Variants in PTCHD4 observed in about 807,000 individuals in gnomAD.
PTCHD4 encodes the protein patched domain containing 4, also known as patched domain-containing protein 4.
Under a neutral mutation model 58.1 loss-of-function variants are expected in PTCHD4, and 33 were observed. That is an observed-to-expected ratio of 0.57 (90% CI 0.43 to 0.76). PTCHD4 has a LOEUF of 0.76. Ranked by LOEUF, PTCHD4 falls within the 30% of genes least tolerant of loss-of-function variation. The pLI is 0.00. For synonymous variants in PTCHD4, 478 were observed against 409.6 expected, an observed-to-expected ratio of 1.17 and a Z score of -2.02; for missense variants, 1,058 against 1,027.1, an observed-to-expected ratio of 1.03 and a Z score of -0.41.
At chr6:47,965,897 A>G (rs1415015057) in intron 4 of PTCHD4, among the ~76,000 whole-genome samples, 1 of 152,180 alleles carries the variant, frequency 6.6e-6, no homozygotes, top group African/African-American at 2.4e-5. Flanking sequence ...CCTGGGTGAC[A>G]CAGCGAGACT....
intron 4 of PTCHD4, among the ~76,000 whole-genome samples, chr6:47,924,282 G>C (rs765030684): frequency 2.6e-5 from 4 of 152,038 alleles, no homozygotes; most frequent in African/African-American, 4.8e-5. Context: ...GAAAAGCCCA[G>C]AGTCGAGATT....
Position 47,879,153 on chromosome 6 carries a change from C to T in PTCHD4, c.1682G>A (p.Ser561Asn), listed in dbSNP as rs146939956. The change falls in exon 5 of 5, where the codon AGT becomes AAT. Residue 561 changes from serine (S) to asparagine (N), a missense_variant. Ser to Asn is a conservative substitution (Grantham distance 46). Transcript: ENST00000339488. ...GATGAAGTCACTTTTGTTATTGGCA[C>T]TGACGTTGCTGACTTTCAGGAACTG... ...YYQFLKVSNV[S>N]ANNKSDFISV... 3.7e-6 allele frequency: 6 copies of T among 1,611,762 alleles called. No homozygotes were observed. Among genetic ancestry groups the T allele is most frequent in the Non-Finnish European group, 5.1e-6 (6 of 1,179,688 alleles).
intron 3 of PTCHD4, among the ~76,000 whole-genome samples, chr6:48,021,329 C>T (rs1763063434): frequency 6.6e-6 from 1 of 152,008 alleles, no homozygotes; most frequent in Non-Finnish European, 1.5e-5. Context: ...ACACACTTAA[C>T]TCCTGAGCTG....
chr6:48,059,361 C>A (rs557638012), intron 3 of PTCHD4, among the ~76,000 whole-genome samples: 3 of 152,094 alleles, frequency 2.0e-5, no homozygotes, highest in Non-Finnish European at 2.9e-5. Context: ...AAAAAATGGG[C>A]AGGGCGGGGT....
rs577833490 is a variant in PTCHD4 at position 48,090,532 on chromosome 6, A to G, written c.-970+20517T>C. Among the ~76,000 whole-genome samples the G allele has an allele frequency of 1.9e-3, 284 of 152,302 alleles. 1 individual carries two copies. The highest frequency in any genetic ancestry group is 3.0e-3 in the Non-Finnish European group (202 of 68,018). ...TGTCAATATCTGTGCCAGGATTTTA[A>G]CTGAGACCTGCCTAATTCCAAAGCC... On this transcript the variant is annotated intron_variant, in intron 1 of 4. Transcript: ENST00000339488.
chr6:48,096,516 G>T (rs975713270), intron 1 of PTCHD4, among the ~76,000 whole-genome samples: 1 of 151,788 alleles, frequency 6.6e-6, no homozygotes, highest in Non-Finnish European at 1.5e-5. Flanking sequence ...GGAGGCTGAG[G>T]CAGGAGAATC....
intron 3 of PTCHD4, among the ~76,000 whole-genome samples, chr6:48,040,117 C>T (rs528154051): frequency 9.2e-5 from 14 of 152,112 alleles, no homozygotes; most frequent in South Asian, 4.1e-4. Flanking sequence ...AACTTTATGA[C>T]GCTATGATTC....
intron 4 of PTCHD4, among the ~76,000 whole-genome samples, chr6:47,954,221 G>C (rs574236203): frequency 6.6e-6 from 1 of 152,226 alleles, no homozygotes; most frequent in South Asian, 2.1e-4. Flanking sequence ...GCTGGGCGTG[G>C]TAGCACACAT....
intron 4 of PTCHD4, among the ~76,000 whole-genome samples, chr6:47,983,333 A>G (rs918305721): frequency 2.0e-5 from 3 of 152,170 alleles, no homozygotes; most frequent in Non-Finnish European, 2.9e-5. Flanking sequence ...TGTAATGCCA[A>G]TGTTGAATTT....
At chr6:48,081,897 G>A (rs1050881823) in intron 1 of PTCHD4, among the ~76,000 whole-genome samples, 6 of 152,140 alleles carry the variant, frequency 3.9e-5, no homozygotes, top group Admixed American at 6.6e-5. Context: ...CTGTGGCATA[G>A]AAATTGCTAT....
chr6:47,897,940 C>CTTTTTTTTTT (rs67063892), intron 4 of PTCHD4, among the ~76,000 whole-genome samples: 9 of 76,356 alleles, frequency 1.2e-4, no homozygotes, highest in South Asian at 5.9e-4. Context: ...TTCTTTCTTT[C>CTTTTTTTTTT]TTTTTTTTTT....
At chr6:48,078,736 T>C (rs1024068493) in intron 1 of PTCHD4, among the ~76,000 whole-genome samples, 1 of 152,210 alleles carries the variant, frequency 6.6e-6, no homozygotes, top group Admixed American at 6.5e-5. Flanking sequence ...GAAATGTTTT[T>C]AACAAGGCCT....
intron 4 of PTCHD4, among the ~76,000 whole-genome samples, chr6:47,919,137 A>G (rs1765351357): frequency 6.6e-6 from 1 of 152,152 alleles, no homozygotes; most frequent in South Asian, 2.1e-4. Flanking sequence ...TTTTGATTAT[A>G]AGTACCATTA....
chr6:48,068,667 A>T lies in PTCHD4; in HGVS notation c.6-26T>A. The T allele has an allele frequency of 6.6e-7, 1 of 1,523,744 alleles. No individual in the cohort carries two copies. Among genetic ancestry groups the T allele is most frequent in the Non-Finnish European group, 8.8e-7 (1 of 1,140,120 alleles). The allele number at this position is 1,523,744 out of a possible 1,614,324, so 94.4% of individuals were successfully genotyped here. A position where few individuals can be genotyped will look rare whatever the true frequency, so the allele number is the denominator to read the frequency against. On this transcript the variant is annotated intron_variant, in intron 2 of 4. Coordinates refer to ENST00000339488, the MANE Select transcript of PTCHD4 (RefSeq NM_001384253.1). This position sits in a 1 kb window ranked among gnomAD's most constrained non-coding sequence, Gnocchi z 4.2. Reference sequence around the variant, plus strand: ...CTTAAAAAGCACATGTGACATGTGTAAGCGCCGGGCTACCCCGTTCTCCCC... The same window carrying T: ...CTTAAAAAGCACATGTGACATGTGTTAGCGCCGGGCTACCCCGTTCTCCCC...
intron 4 of PTCHD4, among the ~76,000 whole-genome samples, chr6:47,968,533 T>C (rs1000369111): frequency 6.6e-6 from 1 of 152,212 alleles, no homozygotes; most frequent in Non-Finnish European, 1.5e-5. Flanking sequence ...CTAAGTGTGA[T>C]GACTTGAAGC....
chr6:47,992,086 T>C (rs1290478267), intron 4 of PTCHD4, among the ~76,000 whole-genome samples: 9 of 151,944 alleles, frequency 5.9e-5, no homozygotes, highest in Admixed American at 5.2e-4. Context: ...CAGACACATA[T>C]GGAAAATGTA....
At chr6:48,035,087 C>G (rs115788610) in intron 3 of PTCHD4, among the ~76,000 whole-genome samples, 1 of 152,000 alleles carries the variant, frequency 6.6e-6, no homozygotes, top group African/African-American at 2.4e-5. Context: ...TTTACTTTTG[C>G]GCTGAAATTA....
chr6:47,891,452 A>G (rs1192340741), intron 4 of PTCHD4, among the ~76,000 whole-genome samples: 1 of 152,134 alleles, frequency 6.6e-6, no homozygotes, highest in Non-Finnish European at 1.5e-5. Context: ...CCAAATCTGA[A>G]AAAAACACAA....
intron 3 of PTCHD4, among the ~76,000 whole-genome samples, chr6:48,063,525 C>T (rs1054199721): frequency 1.3e-5 from 2 of 152,126 alleles, no homozygotes; most frequent in Non-Finnish European, 2.9e-5. Flanking sequence ...AGCTTCAGTA[C>T]CCGACAGAAC....
Sources: gnomAD v4.1 joint callset for allele counts (sites outside exome capture counted in the v4.1 genomes callset) on GRCh38, gnomAD v4.1.1 for gene constraint, Gnocchi (gnomAD v3.1) non-coding constraint, MANE v1.5 for transcripts, NCBI Gene and HGNC (gene_info 2026-07-23, HGNC 2026-07-21) for gene names.